The following FKBP5 variants were observed in gnomAD, a reference collection of about 807,000 sequenced individuals.
FKBP5 encodes the protein FKBP prolyl isomerase 5.
FKBP5 carries 23 observed loss-of-function variants against 50.5 expected under a neutral mutation model. The observed-to-expected ratio is 0.46, with a 90% CI of 0.33 to 0.65. The LOEUF is 0.65. Among genes scored for constraint, FKBP5 ranks in the 30% least tolerant of loss-of-function variants. FKBP5 has a pLI of 0.02. For synonymous variants in FKBP5, 176 were observed against 190.6 expected, an observed-to-expected ratio of 0.92 and a Z score of 0.63; for missense variants, 411 against 553.1, an observed-to-expected ratio of 0.74 and a Z score of 2.58.
intron 2 of FKBP5, among the ~76,000 whole-genome samples, chr6:35,708,348 A>T (rs1041640916): frequency 6.6e-6 from 1 of 152,064 alleles, no homozygotes; most frequent in Non-Finnish European, 1.5e-5. Context: ...TCCACCTCTC[A>T]GGTTCAAGAG....
chr6:35,597,983 T>G (rs1763028915), intron 5 of FKBP5, among the ~76,000 whole-genome samples: 1 of 152,196 alleles, frequency 6.6e-6, no homozygotes, highest in Non-Finnish European at 1.5e-5. Flanking sequence ...CTATATCCCT[T>G]ACTGGAAATA....
In FKBP5 at chr6:35,701,233, G is replaced by GT. The variant is rs200620341; in HGVS notation, c.-20+19094dup. 4.4e-3 allele frequency among the ~76,000 whole-genome samples: 651 copies of GT among 147,492 alleles called. 11 individuals are homozygous for GT. The highest frequency in any genetic ancestry group is 0.041 in the East Asian group (207 of 5,000). ...TTTGTTTGTTTGTTTGTTTGTTTTT[G>GT]TTTTTTGTTTTTTTGTTTTTTTTTT... On this transcript the variant is annotated intron_variant, in intron 2 of 11. Transcript: ENST00000536438.
intron 6 of FKBP5, 82 bp downstream of exon 6, chr6:35,597,166 T>C (rs555506961): frequency 1.3e-6 from 2 of 1,492,924 alleles, no homozygotes; most frequent in Admixed American, 4.1e-5. Context: ...TCACTGAAAA[T>C]GCCAAAACAC....
At chr6:35,583,892 G>A in intron 8 of FKBP5, 6 of 985,362 alleles carry the variant, frequency 6.1e-6, no homozygotes, top group Non-Finnish European at 7.2e-6. Flanking sequence ...AACAGCAAGG[G>A]TGGTGAAAAT....
chr6:35,702,833 T>C (rs896955216), intron 2 of FKBP5, among the ~76,000 whole-genome samples: 19 of 152,142 alleles, frequency 1.2e-4, no homozygotes, highest in Non-Finnish European at 2.6e-4. Context: ...CCAAAAGCTC[T>C]AACATTATTA....
At chr6:35,686,110 A>G (rs1765820425) in intron 1 of FKBP5, among the ~76,000 whole-genome samples, 1 of 151,958 alleles carries the variant, frequency 6.6e-6, no homozygotes, top group African/African-American at 2.4e-5. Context: ...AATACTTACT[A>G]TCACCTCCAA....
At chr6:35,699,985 T>C (rs954938057) in intron 2 of FKBP5, among the ~76,000 whole-genome samples, 5 of 151,812 alleles carry the variant, frequency 3.3e-5, no homozygotes, top group African/African-American at 4.8e-5. Context: ...AGGCAGAGAC[T>C]GTAGTGAGCT....
At chr6:35,636,828 G>A (rs1331414363) in intron 3 of FKBP5, among the ~76,000 whole-genome samples, 186 bp downstream of exon 3, 1 of 152,106 alleles carries the variant, frequency 6.6e-6, no homozygotes, top group Non-Finnish European at 1.5e-5. Flanking sequence ...GTATTGTTAT[G>A]AAAATAAATG....
intron 1 of FKBP5, among the ~76,000 whole-genome samples, chr6:35,671,111 A>T (rs1434319520): frequency 6.6e-6 from 1 of 151,970 alleles, no homozygotes; most frequent in Non-Finnish European, 1.5e-5. Context: ...AAAAAATAGA[A>T]AAGTTAGTTG....
intron 8 of FKBP5, chr6:35,583,503 C>A: frequency 2.0e-6 from 2 of 985,440 alleles, no homozygotes; most frequent in Non-Finnish European, 2.4e-6. Context: ...TAGACTTCAA[C>A]TTCCAATTAG....
At chr6:35,580,301 C>T (rs944723566) in intron 8 of FKBP5, 80 bp from the exon 9 acceptor site, 23 of 1,119,690 alleles carry the variant, frequency 2.1e-5, no homozygotes, top group African/African-American at 4.6e-5. Flanking sequence ...AGTGAAGCAA[C>T]CCCTCCAGCA....
At chr6:35,683,296 A>G (rs1765732434) in intron 1 of FKBP5, among the ~76,000 whole-genome samples, 1 of 151,568 alleles carries the variant, frequency 6.6e-6, no homozygotes, top group Non-Finnish European at 1.5e-5. Context: ...GGGATCACAG[A>G]TACAAGCTAC....
At chr6:35,589,129 T>TG in intron 7 of FKBP5, among the ~76,000 whole-genome samples, 1 of 102,126 alleles carries the variant, frequency 9.8e-6, no homozygotes, top group Admixed American at 1.1e-4. Context: ...TATATATATA[T>TG]TTTTTTTTTT....
At chr6:35,702,456 ATTT>A (rs879943159) in intron 2 of FKBP5, among the ~76,000 whole-genome samples, 2 of 142,190 alleles carry the variant, frequency 1.4e-5, no homozygotes, top group Admixed American at 7.1e-5. Context: ...ATAAACTTTG[ATTT>A]TTTTTTTTTT....
intron 5 of FKBP5, among the ~76,000 whole-genome samples, chr6:35,608,524 G>A (rs764247337): frequency 9.2e-5 from 14 of 151,908 alleles, no homozygotes; most frequent in South Asian, 4.2e-4. Flanking sequence ...GCAAGACCCC[G>A]TCTCTAAAAG....
At chr6:35,693,076 T>TTAAA (rs1766019121), upstream of FKBP5, among the ~76,000 whole-genome samples, 2 of 80,784 alleles carry the variant, frequency 2.5e-5, no homozygotes, top group South Asian at 1.1e-3. Context: ...TCTTTTCAGC[T>TTAAA]AAAAAAAAAA....
intron 5 of FKBP5, among the ~76,000 whole-genome samples, chr6:35,607,087 A>C (rs1222288272): frequency 6.6e-6 from 1 of 152,008 alleles, no homozygotes; most frequent in Non-Finnish European, 1.5e-5. Context: ...ACAGGCGCCC[A>C]CCACCACACC....
At chr6:35,698,922 A>T (rs945507195) in intron 2 of FKBP5, among the ~76,000 whole-genome samples, 2 of 152,302 alleles carry the variant, frequency 1.3e-5, no homozygotes, top group East Asian at 3.9e-4. Flanking sequence ...CACCCCTATG[A>T]TCCAATCACC....
chr6:35,692,591 G>T (rs1319250825), upstream of FKBP5, among the ~76,000 whole-genome samples: 1 of 152,072 alleles, frequency 6.6e-6, no homozygotes, highest in Admixed American at 6.6e-5. Flanking sequence ...CTGAGGTCAG[G>T]AGTTCGAGAC....
Sources: gnomAD v4.1 joint callset for allele counts (sites outside exome capture counted in the v4.1 genomes callset) on GRCh38, gnomAD v4.1.1 for gene constraint, MANE v1.5 for transcripts, NCBI Gene and HGNC (gene_info 2026-07-23, HGNC 2026-07-21) for gene names.